The following B3GALNT2 variants were observed in gnomAD, a reference collection of about 807,000 sequenced individuals.
B3GALNT2 encodes UDP-GalNAc:beta-1,3-N-acetylgalactosaminyltransferase 2.
B3GALNT2 carries 53 observed loss-of-function variants against 61.1 expected under a neutral mutation model. That is an observed-to-expected ratio of 0.87 (90% CI 0.70 to 1.09). B3GALNT2 has a LOEUF of 1.09. Ranked by LOEUF, B3GALNT2 falls within the 50% of genes least tolerant of loss-of-function variation. The pLI, the probability that B3GALNT2 is intolerant of heterozygous loss-of-function variation, is 0.00. For missense variants in B3GALNT2, 544 were observed against 623.0 expected, an observed-to-expected ratio of 0.87 and a Z score of 1.35; for synonymous variants, 223 against 237.4, an observed-to-expected ratio of 0.94 and a Z score of 0.56.
Position 235,449,891 on chromosome 1 carries a change from G to T in B3GALNT2, c.*315C>A. The T allele has an allele frequency of 4.5e-6, 1 of 222,322 alleles. No individual in the cohort carries two copies. The allele number at this position is 222,322 out of a possible 1,614,324, so 13.8% of individuals were successfully genotyped here. A position where few individuals can be genotyped will look rare whatever the true frequency, so the allele number is the denominator to read the frequency against. Reference sequence around the variant, plus strand: ...GCCAAGTTTTAACCAAAAACTATAGGTAATGGTGAATTACTAATTAGCCAC... The same window carrying T: ...GCCAAGTTTTAACCAAAAACTATAGTTAATGGTGAATTACTAATTAGCCAC... On this transcript the variant is annotated 3_prime_UTR_variant, in exon 12 of 12. Transcript: ENST00000366600.
chr1:235,504,097 C>G, intron 1 of B3GALNT2, 44 bp downstream of exon 1: 2 of 1,196,640 alleles, frequency 1.7e-6, no homozygotes, highest in Non-Finnish European at 2.1e-6. Context: ...CCGGGCCTCC[C>G]ACCCCCCCGG....
Position 235,471,071 on chromosome 1 carries a change from T to G in B3GALNT2, c.652-111A>C, listed in dbSNP as rs75543477. On this transcript the variant is annotated intron_variant, in intron 5 of 11. Transcript: ENST00000366600. ...AAAATTTTTCCCAAAACGTATCATT[T>G]AAAATTTTCACCCCATAACTCTGAC... 7.3e-4 allele frequency: 1,101 copies of G among 1,509,682 alleles called. 16 individuals are homozygous for G. The East Asian group carries it at 0.022, about 30-fold the overall frequency. The allele number at this position is 1,509,682 out of a possible 1,614,324, so 93.5% of individuals were successfully genotyped here. A position where few individuals can be genotyped will look rare whatever the true frequency, so the allele number is the denominator to read the frequency against.
At position 235,449,217 on chromosome 1, in the gene B3GALNT2, A is replaced by G. The variant is rs1176934100; in HGVS notation, c.*989T>C. 4.8e-6 allele frequency: 1 copy of G among 210,232 alleles called. No individual in the cohort carries two copies. The allele number at this position is 210,232 out of a possible 1,614,324, so 13.0% of individuals were successfully genotyped here. On this transcript the variant is annotated 3_prime_UTR_variant, in exon 12 of 12. Coordinates refer to ENST00000366600, the MANE Select transcript of B3GALNT2 (RefSeq NM_152490.5). ...TGGGGAGACATCCTCTACTATGTAT[A>G]ACAATATGCTATTATCTGTCTTCTC...
chr1:235,496,547 C>CTTT (rs1396277043), intron 1 of B3GALNT2, among the ~76,000 whole-genome samples: 2 of 133,410 alleles, frequency 1.5e-5, no homozygotes, highest in African/African-American at 5.5e-5. Context: ...GTACTTGTTT[C>CTTT]TTTTTTTTTT....
At chr1:235,490,871 T>C (rs901921061) in intron 2 of B3GALNT2, among the ~76,000 whole-genome samples, 3 of 152,094 alleles carry the variant, frequency 2.0e-5, no homozygotes, top group African/African-American at 7.2e-5. Context: ...TGCTTATCTT[T>C]CCCCCACTCT....
At chr1:235,470,723 A>G (rs778662536) in intron 6 of B3GALNT2, 127 bp downstream of exon 6, 3 of 1,376,702 alleles carry the variant, frequency 2.2e-6, no homozygotes, top group Non-Finnish European at 9.5e-7. Flanking sequence ...TTGCTACTAT[A>G]TATGTTGTAA....
At chr1:235,470,754 C>T (rs1474624566) in intron 6 of B3GALNT2, 96 bp downstream of exon 6, 2 of 1,493,804 alleles carry the variant, frequency 1.3e-6, no homozygotes, top group African/African-American at 2.8e-5. Context: ...AATCATTGCT[C>T]CATGCTGCCT....
chr1:235,486,320 G>A (rs1228171604), intron 3 of B3GALNT2, among the ~76,000 whole-genome samples: 1 of 152,078 alleles, frequency 6.6e-6, no homozygotes, highest in African/African-American at 2.4e-5. Context: ...CAACATAATG[G>A]ACAACAATAC....
At chr1:235,487,122 T>C (rs969239655) in intron 3 of B3GALNT2, among the ~76,000 whole-genome samples, 3 of 151,006 alleles carry the variant, frequency 2.0e-5, no homozygotes, top group Admixed American at 6.6e-5. Flanking sequence ...GATCGCGCCA[T>C]TGCACTCCAG....
At chr1:235,458,447 G>A (rs1683266388) in intron 8 of B3GALNT2, among the ~76,000 whole-genome samples, 156 bp downstream of exon 8, 1 of 151,752 alleles carries the variant, frequency 6.6e-6, no homozygotes. Flanking sequence ...CTACTCAGGA[G>A]GCTAAGGCAG....
intron 8 of B3GALNT2, among the ~76,000 whole-genome samples, chr1:235,456,129 G>A (rs1241649519): frequency 6.6e-6 from 1 of 152,078 alleles, no homozygotes; most frequent in Non-Finnish European, 1.5e-5. Flanking sequence ...TGCATCCGAT[G>A]CTATTTATAT....
chr1:235,458,748 G>A lies in B3GALNT2; in HGVS notation c.880C>T (p.Gln294Ter). Residue 294 changes from glutamine (Q) to a stop codon, truncating the protein, a stop_gained, in exon 8 of 12, where the codon CAA becomes TAA. Transcript: ENST00000366600. LOFTEE classifies it high-confidence loss of function. ...ALLHNLHSRP[Q>*]RLIDHIRNLH... Reference sequence around the variant, plus strand: ...TTCCTTATATGATCAATAAGTCTTTGAGGGCGAGAATGAAGGTTGTGTAAG... The same window carrying A: ...TTCCTTATATGATCAATAAGTCTTTAAGGGCGAGAATGAAGGTTGTGTAAG... 1 of 1,605,522 alleles carries A rather than the reference G, an allele frequency of 6.2e-7. No homozygotes were observed. The highest frequency in any genetic ancestry group is 1.3e-5 in the African/African-American group (1 of 74,564).
At chr1:235,478,129 A>T (rs1684372106) in intron 5 of B3GALNT2, among the ~76,000 whole-genome samples, 1 of 152,094 alleles carries the variant, frequency 6.6e-6, no homozygotes, top group African/African-American at 2.4e-5. Context: ...ATCTTGGCTC[A>T]CTGCAACCTG....
At chr1:235,475,672 G>A (rs988129866) in intron 5 of B3GALNT2, among the ~76,000 whole-genome samples, 10 of 152,044 alleles carry the variant, frequency 6.6e-5, no homozygotes, top group African/African-American at 2.4e-4. Flanking sequence ...CAACAGGAGA[G>A]AATTTTTTTA....
rs1363907998 is a variant in B3GALNT2, at chr1:235,448,598, G to GAAGAGT, written c.*1602_*1607dup. 7.1e-7 allele frequency: 1 copy of GAAGAGT among 1,417,652 alleles called. No individual in the cohort carries two copies. Among genetic ancestry groups the GAAGAGT allele is most frequent in the Non-Finnish European group, 1.0e-6 (1 of 1,001,532 alleles). The allele number at this position is 1,417,652 out of a possible 1,614,324, so 87.8% of individuals were successfully genotyped here. On this transcript the variant is annotated 3_prime_UTR_variant, in exon 12 of 12. Transcript: ENST00000366600. ...GCTACTGCCTGGGGACGGGGTGGGG[G>GAAGAGT]AAGAGTATGTGTAGCATGCTTTATC...
intron 9 of B3GALNT2, 131 bp from the exon 10 acceptor site, chr1:235,454,446 CTTTTT>C: frequency 2.9e-6 from 3 of 1,019,044 alleles, no homozygotes; most frequent in Non-Finnish European, 4.1e-6. Context: ...AAGAAAATTT[CTTTTT>C]TTTTGAGATG....
At chr1:235,498,111 T>C (rs955877654) in intron 1 of B3GALNT2, among the ~76,000 whole-genome samples, 2 of 152,214 alleles carry the variant, frequency 1.3e-5, no homozygotes, top group African/African-American at 4.8e-5. Flanking sequence ...CACATACCAT[T>C]AATGTAAATT....
At chr1:235,441,492 A>G in the B3GALNT2 span, 14 of 312,962 alleles carry the variant, frequency 4.5e-5, no homozygotes, top group South Asian at 1.1e-4. Context: ...GTTTTGAGTC[A>G]GGACACCTAA....
At chr1:235,441,780 GT>G in the B3GALNT2 span, 1 of 1,600,918 alleles carries the variant, frequency 6.2e-7, no homozygotes, top group Non-Finnish European at 8.6e-7. Flanking sequence ...GTGGCCTTTG[GT>G]TTATCATTCA....
Sources: allele counts gnomAD v4.1 joint callset (sites outside exome capture counted in the v4.1 genomes callset), GRCh38; gene constraint gnomAD v4.1.1; transcripts MANE v1.5; gene names NCBI Gene and HGNC (gene_info 2026-07-23, HGNC 2026-07-21).